The following AGMO variants were observed in gnomAD, a reference collection of about 807,000 sequenced individuals.
The protein encoded by AGMO is glyceryl-ether monooxygenase.
A neutral mutation model predicts 60.2 loss-of-function variants in AGMO; 75 were observed. The observed-to-expected ratio is 1.25, with a 90% CI of 1.03 to 1.51. AGMO has a LOEUF of 1.51. AGMO is among the 40% of genes most tolerant of loss of function. AGMO has a pLI of 0.00. For synonymous variants in AGMO, 261 were observed against 177.1 expected (o/e 1.47, Z -3.76); for missense variants, 763 against 525.5 (o/e 1.45, Z -4.42).
the AGMO span, among the ~76,000 whole-genome samples, chr7:15,182,163 A>G: frequency 6.6e-6 from 1 of 152,190 alleles, no homozygotes; most frequent in Non-Finnish European, 1.5e-5. Flanking sequence ...AATTTATTAG[A>G]CAGAAAGTAG....
chr7:15,135,777 C>T, the AGMO span, among the ~76,000 whole-genome samples: 2 of 151,648 alleles, frequency 1.3e-5, no homozygotes, highest in Non-Finnish European at 2.9e-5. Flanking sequence ...AGACAATATT[C>T]CAACTTTAAA....
chr7:15,354,459 C>T (rs1220744654), intron 12 of AGMO, among the ~76,000 whole-genome samples: 797 of 16,834 alleles, frequency 0.047, 85 homozygotes, highest in Non-Finnish European at 0.056. Context: ...TGTGTATACA[C>T]ACGTGTGTGT....
chr7:15,231,060 T>G (rs1782245176), intron 12 of AGMO, among the ~76,000 whole-genome samples: 1 of 152,200 alleles, frequency 6.6e-6, no homozygotes. Flanking sequence ...GAGTCCTAGA[T>G]CATGATAGTG....
At chr7:15,518,156 C>T (rs1166418473) in intron 3 of AGMO, among the ~76,000 whole-genome samples, 3 of 152,168 alleles carry the variant, frequency 2.0e-5, no homozygotes, top group Admixed American at 6.5e-5. Flanking sequence ...AGAAAGGAAG[C>T]GGCCCTAGTA....
intron 3 of AGMO, among the ~76,000 whole-genome samples, chr7:15,511,203 GGCACTCACACACCCACCCACAT>G (rs1783662551): frequency 6.6e-6 from 1 of 151,904 alleles, no homozygotes; most frequent in Admixed American, 6.6e-5. Context: ...CCTATCACAG[GGCACTCACACACCCACCCACAT>G]GCACTCATGC....
intron 2 of AGMO, among the ~76,000 whole-genome samples, chr7:15,549,310 A>G (rs1784878520): frequency 6.6e-6 from 1 of 150,944 alleles, no homozygotes; most frequent in South Asian, 2.1e-4. Context: ...AAATTCACAC[A>G]TAACAATATT....
intron 3 of AGMO, among the ~76,000 whole-genome samples, chr7:15,445,070 T>A (rs1286842759): frequency 2.0e-5 from 3 of 152,176 alleles, no homozygotes; most frequent in African/African-American, 4.8e-5. Context: ...CAATATTTTT[T>A]AATAATTTTT....
At chr7:15,163,371 GT>G in the AGMO span, among the ~76,000 whole-genome samples, 2 of 152,036 alleles carry the variant, frequency 1.3e-5, no homozygotes, top group Non-Finnish European at 2.9e-5. Context: ...AGTAAGAGTG[GT>G]GAGAGTGGAC....
intron 10 of AGMO, among the ~76,000 whole-genome samples, chr7:15,370,014 T>C (rs1783138793): frequency 6.6e-6 from 1 of 152,128 alleles, no homozygotes; most frequent in African/African-American, 2.4e-5. Flanking sequence ...ATCACCCAGG[T>C]AGTGAGCATT....
the AGMO span, among the ~76,000 whole-genome samples, chr7:15,128,060 T>C: frequency 0.017 from 2,522 of 152,188 alleles, 73 homozygotes; most frequent in African/African-American, 0.058. Flanking sequence ...TTGAATTTTG[T>C]GTTTATTTCC....
chr7:15,527,499 T>C (rs970205177), intron 3 of AGMO, among the ~76,000 whole-genome samples: 1 of 152,130 alleles, frequency 6.6e-6, no homozygotes, highest in African/African-American at 2.4e-5. Context: ...GGTTGGTTCA[T>C]GAGGTTTAAG....
intron 6 of AGMO, 107 bp from the exon 7 acceptor site, chr7:15,391,012 G>C (rs910583155): frequency 1.5e-6 from 1 of 673,280 alleles, no homozygotes; most frequent in Non-Finnish European, 2.5e-6. Context: ...GATTTAAACA[G>C]GGTACAATTT....
intron 12 of AGMO, among the ~76,000 whole-genome samples, chr7:15,364,111 T>C (rs1782869698): frequency 6.6e-6 from 1 of 151,970 alleles, no homozygotes; most frequent in South Asian, 2.1e-4. Context: ...TGCTTCACGG[T>C]TTAAATTCAC....
intron 12 of AGMO, among the ~76,000 whole-genome samples, chr7:15,221,764 A>T (rs1563041549): frequency 6.6e-6 from 1 of 152,212 alleles, no homozygotes; most frequent in Non-Finnish European, 1.5e-5. Context: ...TTCAAGGAAT[A>T]GCCACTTGCC....
intron 12 of AGMO, among the ~76,000 whole-genome samples, chr7:15,205,619 G>C (rs1781419712): frequency 6.6e-6 from 1 of 152,054 alleles, no homozygotes; most frequent in East Asian, 1.9e-4. Context: ...TGTAAAGGAA[G>C]AAATTTGAGT....
intron 11 of AGMO, 83 bp from the exon 12 acceptor site, chr7:15,365,702 A>G: frequency 1.1e-6 from 1 of 929,276 alleles, no homozygotes; most frequent in Non-Finnish European, 1.6e-6. Flanking sequence ...TAAACTTCTC[A>G]TTCTCAAGAA....
intron 12 of AGMO, among the ~76,000 whole-genome samples, chr7:15,240,102 T>C (rs1198999950): frequency 6.6e-6 from 1 of 152,078 alleles, no homozygotes; most frequent in East Asian, 1.9e-4. Flanking sequence ...TTCCTAACAA[T>C]CAAGCTACAT....
intron 12 of AGMO, among the ~76,000 whole-genome samples, chr7:15,263,682 A>G (rs902671939): frequency 2.6e-5 from 4 of 152,136 alleles, no homozygotes; most frequent in Admixed American, 2.6e-4. Context: ...ATGCTCATCA[A>G]CCAATGAAGG....
intron 5 of AGMO, among the ~76,000 whole-genome samples, chr7:15,395,545 T>C (rs553945851): frequency 1.3e-5 from 2 of 152,168 alleles, no homozygotes; most frequent in Non-Finnish European, 2.9e-5. Flanking sequence ...TTTAGCGTTG[T>C]ATAACTGAAA....
Sources: allele counts gnomAD v4.1 joint callset (sites outside exome capture counted in the v4.1 genomes callset), GRCh38; gene constraint gnomAD v4.1.1; transcripts MANE v1.5; gene names NCBI Gene and HGNC (gene_info 2026-07-23, HGNC 2026-07-21).